The following DGKB variants were observed in gnomAD, a reference collection of about 807,000 sequenced individuals.
DGKB encodes diacylglycerol kinase beta, also known as 90 kDa diacylglycerol kinase.
DGKB carries 67 observed loss-of-function variants against 114.3 expected under a neutral mutation model. The ratio of observed to expected loss-of-function variants is 0.59; its 90% CI spans 0.48 to 0.72. DGKB has a LOEUF of 0.72. Among genes scored for constraint, DGKB ranks in the 30% least tolerant of loss-of-function variants. The pLI is 0.00. For synonymous variants in DGKB, 398 were observed against 323.1 expected (o/e 1.23, Z -2.49); for missense variants, 907 against 975.2 (o/e 0.93, Z 0.93).
chr7:14,148,840 T>C lies in DGKB; in HGVS notation c.*291A>G. The C allele has an allele frequency of 2.5e-6, 1 of 401,958 alleles. No individual in the cohort carries two copies. Among genetic ancestry groups the C allele is most frequent in the Non-Finnish European group, 4.5e-6 (1 of 222,236 alleles). The allele number at this position is 401,958 out of a possible 1,614,324, so 24.9% of individuals were successfully genotyped here. A position where few individuals can be genotyped will look rare whatever the true frequency, so the allele number is the denominator to read the frequency against. On this transcript the variant is annotated 3_prime_UTR_variant, in exon 26 of 26. Transcript: ENST00000402815. ...TTTCTCACAGGTTAGTAAAAGGAAA[T>C]TGGGGAAGAGTTGGGTGGGAGATGT...
rs575068712 is a variant in DGKB, at chr7:14,749,011, G to GT, written c.168+4916dup. Among the ~76,000 whole-genome samples the GT allele has an allele frequency of 2.0e-3, 308 of 151,948 alleles. 7 individuals carry two copies. In the East Asian group the frequency reaches 0.044, roughly 22 times the overall value. ...TAGATAATAATTTAAATTAATCAGA[G>GT]TTTTTTTTACAGTTCCATTTCTATT... On this transcript the variant is annotated intron_variant, in intron 4 of 25. Coordinates refer to ENST00000402815, the MANE Select transcript of DGKB (RefSeq NM_001350709.2).
chr7:14,183,777 C>T (rs1308869464), intron 23 of DGKB, among the ~76,000 whole-genome samples: 1 of 152,176 alleles, frequency 6.6e-6, no homozygotes, highest in Non-Finnish European at 1.5e-5. Flanking sequence ...TAAATGTTAA[C>T]AGTTCTCTTG....
intron 23 of DGKB, among the ~76,000 whole-genome samples, chr7:14,179,473 G>A (rs1227011620): frequency 6.6e-6 from 1 of 152,188 alleles, no homozygotes; most frequent in East Asian, 1.9e-4. Flanking sequence ...AGAAAGCCAT[G>A]TAATAGTTGG....
At chr7:14,377,738 T>C (rs967340286) in intron 21 of DGKB, among the ~76,000 whole-genome samples, 3 of 152,284 alleles carry the variant, frequency 2.0e-5, no homozygotes, top group Middle Eastern at 6.8e-3. Flanking sequence ...TTGCTCACCA[T>C]GTAGCTTACT....
chr7:14,227,639 G>T (rs891651998), intron 23 of DGKB, among the ~76,000 whole-genome samples: 2 of 151,972 alleles, frequency 1.3e-5, no homozygotes, highest in African/African-American at 4.8e-5. Context: ...CAGCAATCTT[G>T]TTTATTGGCC....
intron 23 of DGKB, among the ~76,000 whole-genome samples, chr7:14,314,659 G>C (rs552497249): frequency 6.6e-6 from 1 of 152,240 alleles, no homozygotes; most frequent in African/African-American, 2.4e-5. Context: ...CGTCTGACTG[G>C]TGTACCTGAA....
At chr7:14,642,073 G>A (rs117375827) in intron 13 of DGKB, among the ~76,000 whole-genome samples, 4,456 of 152,160 alleles carry the variant, frequency 0.029, 107 homozygotes, top group Admixed American at 0.059. Context: ...GTAGTAAAAG[G>A]AGATTTTCGT....
intron 14 of DGKB, among the ~76,000 whole-genome samples, chr7:14,627,696 C>A (rs939334925): frequency 2.0e-5 from 3 of 151,918 alleles, no homozygotes; most frequent in African/African-American, 4.8e-5. Context: ...GTAATCTCAG[C>A]ACTTTGGGAG....
intron 23 of DGKB, among the ~76,000 whole-genome samples, chr7:14,247,470 A>G (rs748828862): frequency 6.6e-6 from 1 of 152,140 alleles, no homozygotes; most frequent in African/African-American, 2.4e-5. Context: ...TCCCAGGAGC[A>G]GGGTACAAGT....
At chr7:14,359,589 G>A (rs1220338981) in intron 21 of DGKB, among the ~76,000 whole-genome samples, 1 of 151,852 alleles carries the variant, frequency 6.6e-6, no homozygotes, top group Admixed American at 6.6e-5. Context: ...CTAATATTCA[G>A]AATCTACAAA....
At chr7:14,594,018 T>G (rs2128750114) in intron 17 of DGKB, among the ~76,000 whole-genome samples, 1 of 152,212 alleles carries the variant, frequency 6.6e-6, no homozygotes, top group South Asian at 2.1e-4. Flanking sequence ...ACTCCTGTGC[T>G]CAGTTCATTG....
intron 2 of DGKB, among the ~76,000 whole-genome samples, chr7:14,761,782 T>C (rs970891888): frequency 3.3e-5 from 5 of 152,114 alleles, no homozygotes; most frequent in African/African-American, 1.2e-4. Flanking sequence ...AGTAAATACA[T>C]GTCTGTAATG....
chr7:14,209,423 C>G lies in DGKB; in HGVS notation c.2123-31272G>C, dbSNP rs541530108. 8.5e-4 allele frequency: 400 copies of G among 470,408 alleles called. 2 individuals carry two copies. Among genetic ancestry groups the G allele is most frequent in the Middle Eastern group, 4.2e-3 (13 of 3,060 alleles). The allele number at this position is 470,408 out of a possible 1,614,324, so 29.1% of individuals were successfully genotyped here. On this transcript the variant is annotated intron_variant, in intron 23 of 25. Transcript: ENST00000402815. ...ATCAAAACATTTGGATGCCCTTTCT[C>G]CACTTCAGTAGGACAGCAACTACAC...
intron 2 of DGKB, among the ~76,000 whole-genome samples, chr7:14,826,916 C>T (rs1005211283): frequency 6.6e-6 from 1 of 152,038 alleles, no homozygotes; most frequent in Non-Finnish European, 1.5e-5. Flanking sequence ...CTTAAAAATG[C>T]ACTACTGTGA....
At position 14,503,630 on chromosome 7, in the gene DGKB, C is replaced by T. The variant is rs147009915; in HGVS notation, c.1771-25405G>A. ...CAAATAGTATAAATAAGATTAACTC[C>T]GAGATTTATTCTATGGGTCTGAGAT... On this transcript the variant is annotated intron_variant, in intron 20 of 25. Transcript: ENST00000402815. 8.6e-3 allele frequency among the ~76,000 whole-genome samples: 1,313 copies of T among 152,132 alleles called. 10 individuals carry two copies. Among genetic ancestry groups the T allele is most frequent in the South Asian group, 0.028 (134 of 4,820 alleles).
chr7:14,366,276 A>C (rs1816662528), intron 21 of DGKB, among the ~76,000 whole-genome samples: 1 of 152,188 alleles, frequency 6.6e-6, no homozygotes, highest in Non-Finnish European at 1.5e-5. Flanking sequence ...TTTCATTTAA[A>C]ACTGAGAAGA....
intron 6 of DGKB, among the ~76,000 whole-genome samples, chr7:14,711,786 T>C (rs577008319): frequency 6.6e-6 from 1 of 152,230 alleles, no homozygotes; most frequent in Middle Eastern, 3.4e-3. Context: ...ATCTTTGAGT[T>C]CTGCAAAAGT....
intron 21 of DGKB, among the ~76,000 whole-genome samples, chr7:14,355,941 G>GC (rs1438675893): frequency 5.9e-5 from 9 of 152,100 alleles, no homozygotes; most frequent in Non-Finnish European, 1.0e-4. Context: ...ATTAATTACT[G>GC]CCTCAATTTC....
intron 12 of DGKB, 137 bp downstream of exon 12, chr7:14,682,416 T>A (rs2128969302): frequency 1.5e-6 from 1 of 647,702 alleles, no homozygotes; most frequent in East Asian, 2.6e-5. Flanking sequence ...GCAAACAAGC[T>A]GAAATGAGAA....
Sources: allele counts gnomAD v4.1 joint callset (sites outside exome capture counted in the v4.1 genomes callset), GRCh38; gene constraint gnomAD v4.1.1; transcripts MANE v1.5; gene names NCBI Gene and HGNC (gene_info 2026-07-23, HGNC 2026-07-21).